Variants in CDH4 observed in about 807,000 individuals in gnomAD.
CDH4 encodes the protein cadherin-4.
Under a neutral mutation model 86.0 loss-of-function variants are expected in CDH4, and 33 were observed. That is an observed-to-expected ratio of 0.38 (90% CI 0.29 to 0.51). CDH4 has a LOEUF of 0.51. CDH4 is among the 20% of genes least tolerant of loss of function. The pLI is 0.86. For synonymous variants in CDH4, 555 were observed against 549.4 expected (o/e 1.01, Z -0.14); for missense variants, 1,114 against 1,307.4 (o/e 0.85, Z 2.28).
chr20:61,565,232 G>T (rs1450734908), intron 2 of CDH4, among the ~76,000 whole-genome samples: 1 of 51,068 alleles, frequency 2.0e-5, no homozygotes, highest in Admixed American at 1.9e-4. Context: ...AGGTGGTGGT[G>T]GTGGTGGTGG....
intron 2 of CDH4, among the ~76,000 whole-genome samples, chr20:61,576,824 C>T (rs1350183819): frequency 6.6e-6 from 1 of 152,188 alleles, no homozygotes; most frequent in Non-Finnish European, 1.5e-5. Flanking sequence ...AAATGTGTAC[C>T]TCTCCACAGT....
chr20:61,303,312 G>A (rs1368433620), intron 2 of CDH4, among the ~76,000 whole-genome samples: 2 of 152,204 alleles, frequency 1.3e-5, no homozygotes, highest in African/African-American at 4.8e-5. Context: ...TGCTGCTGGG[G>A]TGGCCTTCCT....
At chr20:61,406,333 CGGACCACCATCTGCTCTGCCT>C (rs2085082323) in intron 2 of CDH4, among the ~76,000 whole-genome samples, 1 of 146,722 alleles carries the variant, frequency 6.8e-6, no homozygotes, top group Admixed American at 6.8e-5. Flanking sequence ...CTGCTCTGCC[CGGACCACCATCTGCTCTGCCT>C]GGACCACCAT....
At chr20:61,756,266 C>T (rs1361052729) in intron 3 of CDH4, among the ~76,000 whole-genome samples, 2 of 152,158 alleles carry the variant, frequency 1.3e-5, no homozygotes, top group Non-Finnish European at 2.9e-5. Context: ...GGCTCGGCTT[C>T]TCCTTGCCTC....
At position 61,274,055 on chromosome 20, in the gene CDH4, A is replaced by C. The variant is rs73915250; in HGVS notation, c.169+19118A>C. 3.6e-3 allele frequency among the ~76,000 whole-genome samples: 388 copies of C among 108,192 alleles called. 3 individuals carry two copies. Among genetic ancestry groups the C allele is most frequent in the African/African-American group, 0.014 (367 of 26,936 alleles). The allele number at this position is 108,192 out of a possible 152,430, so 71.0% of individuals were successfully genotyped here. On this transcript the variant is annotated intron_variant, in intron 2 of 15. Coordinates refer to ENST00000614565, the MANE Select transcript of CDH4 (RefSeq NM_001794.5). ...TGCAGTTTGGGGGAGTACCATGTGT[A>C]GTTTGGGGAAGTACTGGGGGAGTAC...
In CDH4 at chr20:61,726,712, A is replaced by G. The variant is rs145725325; in HGVS notation, c.170-16851A>G. Among the ~76,000 whole-genome samples the G allele has an allele frequency of 5.2e-3, 792 of 151,864 alleles. 11 individuals are homozygous for G. The highest frequency in any genetic ancestry group is 0.036 in the South Asian group (171 of 4,760). On this transcript the variant is annotated intron_variant, in intron 2 of 15. Coordinates refer to ENST00000614565, the MANE Select transcript of CDH4 (RefSeq NM_001794.5). ...CATCATCACCATTGGTGCTATCATC[A>G]TCACCATCGCTGCCATCATCACCAT...
chr20:61,804,632 T>C (rs1340251023), intron 4 of CDH4, among the ~76,000 whole-genome samples: 2 of 152,190 alleles, frequency 1.3e-5, no homozygotes, highest in Admixed American at 1.3e-4. Flanking sequence ...AGCTCTCGCC[T>C]GGTGGGTGTG....
intron 2 of CDH4, among the ~76,000 whole-genome samples, chr20:61,515,457 C>G (rs2085811966): frequency 6.6e-6 from 1 of 152,188 alleles, no homozygotes. Flanking sequence ...GGAAGGGGGA[C>G]CCTCCTCATG....
chr20:61,816,688 T>G (rs948829390), intron 4 of CDH4, among the ~76,000 whole-genome samples: 26 of 144,494 alleles, frequency 1.8e-4, no homozygotes, highest in South Asian at 4.5e-4. Context: ...GCACGTTAAA[T>G]GGGGGGGGGC....
In CDH4 at chr20:61,883,420, TG is replaced by T. The variant is rs1984385685; in HGVS notation, c.1050+9526del. Among the ~76,000 whole-genome samples, 6 of 152,206 alleles carry T rather than the reference TG, an allele frequency of 3.9e-5. No individual in the cohort carries two copies. The South Asian group carries it at 8.3e-4, about 21-fold the overall frequency. ...GGTATCTGTGGTTGTCACAGCTCGG[TG>T]GGGGGCACCACCAGCATTGCATGGG... On this transcript the variant is annotated intron_variant, in intron 7 of 15. Coordinates refer to ENST00000614565, the MANE Select transcript of CDH4 (RefSeq NM_001794.5).
chr20:61,284,575 A>G (rs918700538), intron 2 of CDH4, among the ~76,000 whole-genome samples: 1 of 152,246 alleles, frequency 6.6e-6, no homozygotes, highest in Non-Finnish European at 1.5e-5. Flanking sequence ...AGTGTTTAAC[A>G]TATGCCCAAC....
intron 3 of CDH4, among the ~76,000 whole-genome samples, chr20:61,763,353 G>A (rs2088660384): frequency 6.6e-6 from 1 of 152,212 alleles, no homozygotes; most frequent in Admixed American, 6.5e-5. Context: ...TCTTCCATCT[G>A]CACCACGCTG....
At chr20:61,595,719 T>C (rs2086552733) in intron 2 of CDH4, among the ~76,000 whole-genome samples, 1 of 152,210 alleles carries the variant, frequency 6.6e-6, no homozygotes, top group Non-Finnish European at 1.5e-5. Flanking sequence ...GCGGCCCGTC[T>C]GTCTAAGCAG....
chr20:61,423,903 C>CCTGTGCACACACATGCAGG (rs2085194386), intron 2 of CDH4, among the ~76,000 whole-genome samples: 1 of 152,158 alleles, frequency 6.6e-6, no homozygotes, highest in Admixed American at 6.5e-5. Flanking sequence ...CTTGTCACTC[C>CCTGTGCACACACATGCAGG]CTGTGCGCAC....
chr20:61,509,771 C>G (rs1324192529), intron 2 of CDH4, among the ~76,000 whole-genome samples: 1 of 152,076 alleles, frequency 6.6e-6, no homozygotes, highest in East Asian at 1.9e-4. Flanking sequence ...CAGACAGGGT[C>G]TGGGTGTCCA....
chr20:61,390,376 T>G (rs6061654), intron 2 of CDH4, among the ~76,000 whole-genome samples: 7,973 of 35,328 alleles, frequency 0.23, 876 homozygotes, highest in East Asian at 0.5. Flanking sequence ...CAGTCATAGG[T>G]TGCCCATAGT....
intron 4 of CDH4, among the ~76,000 whole-genome samples, chr20:61,788,211 T>TC (rs1262184058): frequency 1.3e-5 from 2 of 152,094 alleles, no homozygotes; most frequent in Non-Finnish European, 2.9e-5. Flanking sequence ...CTGTGACCCT[T>TC]GAGGAATGAG....
intron 2 of CDH4, among the ~76,000 whole-genome samples, chr20:61,616,677 A>C (rs937080212): frequency 6.6e-6 from 1 of 152,210 alleles, no homozygotes; most frequent in African/African-American, 2.4e-5. Flanking sequence ...GCTTGCTGTC[A>C]TCATGGCCAC....
intron 2 of CDH4, among the ~76,000 whole-genome samples, chr20:61,578,977 G>T (rs73138603): frequency 0.057 from 8,666 of 152,160 alleles, 501 homozygotes; most frequent in African/African-American, 0.14. Context: ...AGTACCCCTG[G>T]GCTGGGATTG....
Sources: gnomAD v4.1 joint callset for allele counts (sites outside exome capture counted in the v4.1 genomes callset) on GRCh38, gnomAD v4.1.1 for gene constraint, MANE v1.5 for transcripts, NCBI Gene and HGNC (gene_info 2026-07-23, HGNC 2026-07-21) for gene names.